The following TRAPPC9 variants were observed in gnomAD, a reference collection of about 807,000 sequenced individuals.
The protein encoded by TRAPPC9 is IKK2 binding protein.
Under a neutral mutation model 124.0 loss-of-function variants are expected in TRAPPC9, and 83 were observed. That is an observed-to-expected ratio of 0.67 (90% CI 0.56 to 0.80). The LOEUF (loss-of-function observed/expected upper bound fraction) is 0.80, where lower values mean the gene tolerates loss of function less well. Among genes scored for constraint, TRAPPC9 ranks in the 30% least tolerant of loss-of-function variants. The probability of loss-of-function intolerance (pLI) is 0.00; values close to 1 mark genes in which losing one functional copy is unlikely to be tolerated. For missense variants in TRAPPC9, 1,302 were observed against 1,508.3 expected, an observed-to-expected ratio of 0.86 and a Z score of 2.27; for synonymous variants, 638 against 617.5, an observed-to-expected ratio of 1.03 and a Z score of -0.49.
chr8:140,368,171 T>C (rs1252837643), intron 8 of TRAPPC9, among the ~76,000 whole-genome samples: 1 of 152,204 alleles, frequency 6.6e-6, no homozygotes, highest in Non-Finnish European at 1.5e-5. Flanking sequence ...ATTTTGAAGC[T>C]GGATCTTATC....
chr8:139,955,490 A>G (rs550697842), intron 19 of TRAPPC9, among the ~76,000 whole-genome samples: 151 of 152,230 alleles, frequency 9.9e-4, no homozygotes, highest in African/African-American at 3.5e-3. Context: ...AACATTAAAC[A>G]GCTCCTACTT....
intron 15 of TRAPPC9, among the ~76,000 whole-genome samples, chr8:140,265,128 G>A (rs1364990633): frequency 2.0e-5 from 3 of 152,096 alleles, no homozygotes; most frequent in African/African-American, 7.2e-5. Flanking sequence ...AACCAGGAGG[G>A]CAACAGGCCG....
chr8:140,299,664 C>T (rs1025810753), intron 11 of TRAPPC9, among the ~76,000 whole-genome samples: 4 of 152,214 alleles, frequency 2.6e-5, no homozygotes, highest in Admixed American at 2.6e-4. Flanking sequence ...TGCAAGGGGC[C>T]TCGGGCATGT....
chr8:139,833,373 G>C (rs1826113181), intron 21 of TRAPPC9, among the ~76,000 whole-genome samples: 1 of 152,142 alleles, frequency 6.6e-6, no homozygotes, highest in Non-Finnish European at 1.5e-5. Flanking sequence ...CTACCTGCTG[G>C]GCCAGCAGTG....
intron 14 of TRAPPC9, among the ~76,000 whole-genome samples, chr8:140,278,712 C>T (rs1438729908): frequency 6.6e-6 from 1 of 152,220 alleles, no homozygotes; most frequent in African/African-American, 2.4e-5. Flanking sequence ...TGCTCCTGAC[C>T]TCTGCCCTCA....
intron 4 of TRAPPC9, among the ~76,000 whole-genome samples, chr8:140,428,985 A>T (rs2070529053): frequency 6.6e-6 from 1 of 152,120 alleles, no homozygotes; most frequent in Admixed American, 6.6e-5. Flanking sequence ...TATACATGGA[A>T]CTGTAGATAT....
intron 17 of TRAPPC9, among the ~76,000 whole-genome samples, chr8:140,106,649 A>C (rs1028904547): frequency 6.6e-6 from 1 of 152,226 alleles, no homozygotes; most frequent in Non-Finnish European, 1.5e-5. Context: ...CAAGAGAAAC[A>C]GACTGCAAGT....
At chr8:139,747,577 G>A in intron 21 of TRAPPC9, among the ~76,000 whole-genome samples, 1 of 83,840 alleles carries the variant, frequency 1.2e-5, no homozygotes, top group East Asian at 3.7e-4. Context: ...GAGTGGGTGT[G>A]GGGGTGTCCC....
chr8:139,958,662 G>A lies in TRAPPC9; in HGVS notation c.2810+30064C>T, dbSNP rs377742429. 5.3e-5 allele frequency among the ~76,000 whole-genome samples: 8 copies of A among 152,276 alleles called. No individual in the cohort carries two copies. In the South Asian group the frequency reaches 1.7e-3, roughly 32 times the overall value. On this transcript the variant is annotated intron_variant, in intron 19 of 22. Transcript: ENST00000438773. ...GACTCCAGGTTCCTGAAGGGAGGCCGACCACTCTGTAGCCCCAGGAACACG... is the reference window on the plus strand; with the variant it reads ...GACTCCAGGTTCCTGAAGGGAGGCCAACCACTCTGTAGCCCCAGGAACACG...
At chr8:140,217,042 A>C (rs1048715263) in intron 17 of TRAPPC9, among the ~76,000 whole-genome samples, 4 of 152,152 alleles carry the variant, frequency 2.6e-5, no homozygotes, top group Admixed American at 6.5e-5. Flanking sequence ...GGGCTCCTAA[A>C]AAGGAGGCCC....
At chr8:140,265,045 G>A (rs2064582423) in intron 15 of TRAPPC9, among the ~76,000 whole-genome samples, 1 of 152,188 alleles carries the variant, frequency 6.6e-6, no homozygotes, top group African/African-American at 2.4e-5. Flanking sequence ...CAGAGACTGT[G>A]CTGGACAACC....
intron 15 of TRAPPC9, among the ~76,000 whole-genome samples, chr8:140,266,481 A>C (rs1214999079): frequency 1.3e-5 from 2 of 149,082 alleles, no homozygotes; most frequent in Non-Finnish European, 3.0e-5. Flanking sequence ...AAAAAAAAAA[A>C]AACTTGCTTA....
intron 4 of TRAPPC9, among the ~76,000 whole-genome samples, chr8:140,430,507 G>A (rs1310412047): frequency 6.6e-6 from 1 of 152,212 alleles, no homozygotes; most frequent in East Asian, 1.9e-4. Context: ...GTTCTGCTCC[G>A]CCATGCCTAT....
intron 19 of TRAPPC9, among the ~76,000 whole-genome samples, chr8:139,922,764 G>T (rs1364196387): frequency 6.6e-6 from 1 of 152,184 alleles, no homozygotes; most frequent in East Asian, 1.9e-4. Flanking sequence ...CTCACACAGA[G>T]GCAGGCGAGA....
At chr8:140,106,621 GA>G (rs2060671349) in intron 17 of TRAPPC9, among the ~76,000 whole-genome samples, 1 of 152,104 alleles carries the variant, frequency 6.6e-6, no homozygotes, top group Admixed American at 6.5e-5. Flanking sequence ...GTAGGACAGG[GA>G]AACACAAGCT....
intron 21 of TRAPPC9, among the ~76,000 whole-genome samples, chr8:139,781,513 A>G (rs1382742152): frequency 1.3e-5 from 2 of 152,268 alleles, no homozygotes; most frequent in Non-Finnish European, 2.9e-5. Flanking sequence ...CATTTAGGGC[A>G]ATACACCTAT....
At chr8:140,021,443 A>G (rs1413648798) in intron 18 of TRAPPC9, among the ~76,000 whole-genome samples, 1 of 152,230 alleles carries the variant, frequency 6.6e-6, no homozygotes, top group Non-Finnish European at 1.5e-5. Context: ...ACAGAATTAA[A>G]TGTTCTTATT....
chr8:140,360,400 T>TACACTATAG lies in TRAPPC9; in HGVS notation c.1352-216_1352-208dup. Among the ~76,000 whole-genome samples the TACACTATAG allele has an allele frequency of 2.6e-5, 4 of 152,348 alleles. 1 individual carries two copies. The South Asian group carries it at 8.3e-4, about 32-fold the overall frequency. Reference sequence around the variant, plus strand: ...GTTTTCATACAGCAAAAACAGGCATTACACTATAGCTTCTCTCTCTGCAAA... The same window carrying TACACTATAG: ...GTTTTCATACAGCAAAAACAGGCATTACACTATAGACACTATAGCTTCTCTCTCTGCAAA... On this transcript the variant is annotated intron_variant, in intron 8 of 22. Coordinates refer to ENST00000438773, the MANE Select transcript of TRAPPC9 (RefSeq NM_001160372.4).
chr8:139,983,025 C>T (rs1340573418), intron 19 of TRAPPC9, among the ~76,000 whole-genome samples: 1 of 152,182 alleles, frequency 6.6e-6, no homozygotes, highest in Admixed American at 6.5e-5. Flanking sequence ...GAAATCCTAC[C>T]CTCCATGGTG....
Sources: allele counts gnomAD v4.1 joint callset (sites outside exome capture counted in the v4.1 genomes callset), GRCh38; gene constraint gnomAD v4.1.1; transcripts MANE v1.5; gene names NCBI Gene and HGNC (gene_info 2026-07-23, HGNC 2026-07-21).